Variants in ADGRG4 observed in about 807,000 individuals in gnomAD.
ADGRG4 encodes G protein-coupled receptor 112.
Under a neutral mutation model 126.2 loss-of-function variants are expected in ADGRG4, and 122 were observed. The ratio of observed to expected loss-of-function variants is 0.97; its 90% CI spans 0.83 to 1.12. The LOEUF (loss-of-function observed/expected upper bound fraction) is 1.12, where lower values mean the gene tolerates loss of function less well. Ranked by LOEUF, ADGRG4 falls within the 50% of genes most tolerant of loss-of-function variation. The pLI is 0.00. For missense variants in ADGRG4, 2,481 were observed against 2,251.8 expected (o/e 1.10, Z -2.06); for synonymous variants, 943 against 838.7 (o/e 1.12, Z -2.15).
At chrX:136,372,514 G>C (rs1466778289) in intron 14 of ADGRG4, among the ~76,000 whole-genome samples, 1 of 111,766 alleles carries the variant, frequency 8.9e-6, no homozygotes, top group Non-Finnish European at 1.9e-5. Flanking sequence ...AAACCACTCA[G>C]TGGCTTTCCA....
chrX:136,370,225 T>C (rs1047569515), intron 13 of ADGRG4, among the ~76,000 whole-genome samples: 1 of 112,344 alleles, frequency 8.9e-6, no homozygotes, highest in Non-Finnish European at 1.9e-5. Context: ...AAGTGTGTTA[T>C]GAGTGTTAGC....
chrX:136,345,618 C>G lies in ADGRG4; in HGVS notation c.1912C>G (p.Pro638Ala). 3.3e-6 allele frequency: 4 copies of G among 1,210,717 alleles called. No homozygotes were observed. The highest frequency in any genetic ancestry group is 4.5e-6 in the Non-Finnish European group (4 of 894,812). Reference sequence around the variant, plus strand: ...CACATCCAAGGCACCTGAGTCAGGTCCCACATCCACAACTGATGAAGCTGC... The same window carrying G: ...CACATCCAAGGCACCTGAGTCAGGTGCCACATCCACAACTGATGAAGCTGC... Reference protein sequence around the residue: ...ASTSKAPESGPTSTTDEAAHL... With the variant: ...ASTSKAPESGATSTTDEAAHL... The change falls in exon 6 of 26, where the codon CCC becomes GCC. Residue 638 changes from proline to alanine, a missense_variant. Pro to Ala is a conservative substitution (Grantham distance 27, BLOSUM62 -1). Transcript: ENST00000394143.
intron 1 of ADGRG4, among the ~76,000 whole-genome samples, chrX:136,302,901 A>G (rs1486226679): frequency 9.0e-6 from 1 of 111,729 alleles, no homozygotes; most frequent in African/African-American, 3.3e-5. Flanking sequence ...CATCATTTCC[A>G]TGTTGCAGAT....
At chrX:136,329,862 A>C (rs1384629949) in intron 5 of ADGRG4, among the ~76,000 whole-genome samples, 1 of 109,162 alleles carries the variant, frequency 9.2e-6, no homozygotes, top group Non-Finnish European at 1.9e-5. Flanking sequence ...TTTATTTTTT[A>C]TTATTTTATT....
chrX:136,307,507 C>A (rs1257108025), intron 3 of ADGRG4, among the ~76,000 whole-genome samples: 1 of 112,121 alleles, frequency 8.9e-6, no homozygotes, highest in Non-Finnish European at 1.9e-5. Context: ...TACAAATTCC[C>A]TTATTATTCT....
At chrX:136,388,242 A>G (rs767701443) in intron 16 of ADGRG4, among the ~76,000 whole-genome samples, 2 of 111,772 alleles carry the variant, frequency 1.8e-5, no homozygotes, top group Admixed American at 1.9e-4. Flanking sequence ...CATGTCCACT[A>G]TTCTTGGCCA....
intron 24 of ADGRG4, among the ~76,000 whole-genome samples, chrX:136,412,740 G>A (rs1468794903): frequency 8.9e-6 from 1 of 112,311 alleles, no homozygotes; most frequent in Non-Finnish European, 1.9e-5. Flanking sequence ...GAAGCAAGGA[G>A]TGGTGGTGGA....
chrX:136,407,857 C>G (rs1309564589), intron 23 of ADGRG4, among the ~76,000 whole-genome samples: 1 of 111,844 alleles, frequency 8.9e-6, no homozygotes, highest in Non-Finnish European at 1.9e-5. Flanking sequence ...CACTTTTTCT[C>G]TGGATAGAAC....
At position 136,347,121 on chromosome X, in the gene ADGRG4, T is replaced by C. The variant is rs2075022974; in HGVS notation, c.3415T>C (p.Ser1139Pro). 1 of 1,208,345 alleles carries C rather than the reference T, an allele frequency of 8.3e-7. No individual in the cohort carries two copies. The highest frequency in any genetic ancestry group is 2.2e-5 in the Admixed American group (1 of 45,682). ...FSTSVDTVTP[S>P]THTLVCSKPP... ...TACCTCAGTTGATACAGTAACCCCA[T>C]CTACACACACTCTTGTCTGCTCAAA... Residue 1139 changes from serine (S) to proline (P), a missense_variant, in exon 6 of 26, where the codon TCT becomes CCT. Ser to Pro is a moderately conservative substitution (Grantham distance 74). Transcript: ENST00000394143.
At chrX:136,397,154 C>T in intron 19 of ADGRG4, among the ~76,000 whole-genome samples, 1 of 111,077 alleles carries the variant, frequency 9.0e-6, no homozygotes, top group East Asian at 2.8e-4. Flanking sequence ...CATCCTTGGT[C>T]TTTCCCCACT....
chrX:136,323,088 T>G lies in ADGRG4; in HGVS notation c.381T>G (p.Asp127Glu). The change falls in exon 5 of 26, where the codon GAT becomes GAG. Residue 127 changes from aspartate to glutamate, a missense_variant. By Grantham distance (45) the Asp-to-Glu change is conservative. Coordinates refer to ENST00000394143, the MANE Select transcript of ADGRG4 (RefSeq NM_153834.4). ...GGCATACAATATGCTTGATATGGGA[T>G]GGTGTGAAGGGCAAATTAGAACTCT... ...FQWHTICLIW[D>E]GVKGKLELFL... is the part of the protein sequence containing the mutation. The G allele has an allele frequency of 8.3e-7, 1 of 1,211,172 alleles. No homozygotes were observed. Among genetic ancestry groups the G allele is most frequent in the Non-Finnish European group, 1.1e-6 (1 of 894,982 alleles).
chrX:136,411,642 G>C (rs2075446896), intron 23 of ADGRG4, among the ~76,000 whole-genome samples: 1 of 112,782 alleles, frequency 8.9e-6, no homozygotes, highest in Non-Finnish European at 1.9e-5. Context: ...AGGAATTCAG[G>C]GGCAGCTTAG....
intron 5 of ADGRG4, among the ~76,000 whole-genome samples, chrX:136,325,990 C>T (rs772852822): frequency 1.8e-3 from 201 of 112,232 alleles, no homozygotes; most frequent in African/African-American, 5.9e-3. Flanking sequence ...GGATTACAGG[C>T]GTGAGCCAAT....
intron 15 of ADGRG4, among the ~76,000 whole-genome samples, chrX:136,384,768 T>C (rs1388100317): frequency 9.0e-6 from 1 of 111,627 alleles, no homozygotes; most frequent in East Asian, 2.8e-4. Flanking sequence ...GGCCTTTATG[T>C]TTTCTGAAGA....
At chrX:136,314,695 AT>A (rs892774467) in intron 4 of ADGRG4, among the ~76,000 whole-genome samples, 5 of 111,789 alleles carry the variant, frequency 4.5e-5, no homozygotes, top group African/African-American at 1.6e-4. Flanking sequence ...AGAGTACTGT[AT>A]GTAATTTGTG....
Position 136,349,293 on chromosome X carries a change from T to C in ADGRG4, c.5587T>C (p.Phe1863Leu). The change falls in exon 6 of 26, where the codon TTT becomes CTT. Residue 1863 changes from phenylalanine to leucine, a missense_variant. Transcript: ENST00000394143. Reference sequence around the variant, plus strand: ...TCCTCCCACATCCCAAATGGTTGAATTTCCAGTTCTGGGAACAAGAATGAC... The same window carrying C: ...TCCTCCCACATCCCAAATGGTTGAACTTCCAGTTCTGGGAACAAGAATGAC... Reference protein sequence around the residue: ...SPPPTSQMVEFPVLGTRMTSS... With the variant: ...SPPPTSQMVELPVLGTRMTSS... 2 of 1,208,640 alleles carry C rather than the reference T, an allele frequency of 1.7e-6. No individual in the cohort carries two copies. The highest frequency in any genetic ancestry group is 2.2e-6 in the Non-Finnish European group (2 of 892,972).
At chrX:136,340,714 G>A (rs1021159171) in intron 5 of ADGRG4, among the ~76,000 whole-genome samples, 2 of 111,223 alleles carry the variant, frequency 1.8e-5, no homozygotes, top group Non-Finnish European at 1.9e-5. Context: ...AGAAATTGAG[G>A]CATTTCTACA....
intron 5 of ADGRG4, among the ~76,000 whole-genome samples, chrX:136,330,909 CTAATAGTAGGTCT>C (rs2074905665): frequency 9.0e-6 from 1 of 111,101 alleles, no homozygotes; most frequent in Admixed American, 9.6e-5. Flanking sequence ...GCTGTGCAAT[CTAATAGTAGGTCT>C]TAATAGTAGG....
Position 136,416,739 on chromosome X carries a change from A to C in ADGRG4, c.*248A>C. 1 of 254,032 alleles carries C rather than the reference A, an allele frequency of 3.9e-6. No individual in the cohort carries two copies. Among genetic ancestry groups the C allele is most frequent in the Non-Finnish European group, 6.9e-6 (1 of 144,291 alleles). 20.9% of individuals were successfully genotyped at this position (254,032 alleles called of 1,213,427 possible). A position where few individuals can be genotyped will look rare whatever the true frequency, so the allele number is the denominator to read the frequency against. On this transcript the variant is annotated 3_prime_UTR_variant, in exon 26 of 26. Coordinates refer to ENST00000394143, the MANE Select transcript of ADGRG4 (RefSeq NM_153834.4). The stretch of plus-strand genomic sequence containing the variant: ...ATTCACAAACAGAATTTTTCAATAA[A>C]TCCCAGTAGAGATACTTGCCTCCTC...
Sources: allele counts gnomAD v4.1 joint callset (sites outside exome capture counted in the v4.1 genomes callset), GRCh38; gene constraint gnomAD v4.1.1; transcripts MANE v1.5; gene names NCBI Gene and HGNC (gene_info 2026-07-23, HGNC 2026-07-21).